CNRIP1: variants seen among roughly 807,000 people sequenced by gnomAD.
The protein encoded by CNRIP1 is cannabinoid receptor interacting protein 1.
CNRIP1 carries 10 observed loss-of-function variants against 15.2 expected under a neutral mutation model. The observed-to-expected ratio is 0.66, with a 90% CI of 0.41 to 1.12. The LOEUF (loss-of-function observed/expected upper bound fraction) is 1.12. Ranked by LOEUF, CNRIP1 falls within the 50% of genes most tolerant of loss-of-function variation. The pLI is 0.00. For synonymous variants in CNRIP1, 91 were observed against 83.2 expected (o/e 1.09, Z -0.51); for missense variants, 211 against 214.7 (o/e 0.98, Z 0.11).
chr2:68,306,361 C>CTCT (rs1398712029), intron 2 of CNRIP1, among the ~76,000 whole-genome samples: 2 of 150,962 alleles, frequency 1.3e-5, no homozygotes, highest in Admixed American at 1.3e-4. Context: ...TACCAGGATA[C>CTCT]TGTTTACCTC....
Position 68,293,386 on chromosome 2 carries a change from GC to G in CNRIP1, c.*475del. 2.0e-6 allele frequency: 2 copies of G among 986,476 alleles called. No homozygotes were observed. The highest frequency in any genetic ancestry group is 2.4e-6 in the Non-Finnish European group (2 of 830,582). The allele number at this position is 986,476 out of a possible 1,614,324, so 61.1% of individuals were successfully genotyped here. On this transcript the variant is annotated 3_prime_UTR_variant, in exon 3 of 3. Coordinates refer to ENST00000263655, the MANE Select transcript of CNRIP1 (RefSeq NM_015463.3). The stretch of plus-strand genomic sequence containing the variant: ...GCTGTTTGTATTACATTTTCACAAA[GC>G]CTGCTTTGAAAGCTGGCAAACACTG...
chr2:68,317,783 T>C (rs1002288006), intron 1 of CNRIP1, among the ~76,000 whole-genome samples: 3 of 152,116 alleles, frequency 2.0e-5, no homozygotes, highest in East Asian at 3.8e-4. Context: ...CTGCAGACCT[T>C]AGAAAACAAA....
At chr2:68,296,564 A>ATGTG (rs140524601) in intron 2 of CNRIP1, among the ~76,000 whole-genome samples, 58,203 of 150,998 alleles carry the variant, frequency 0.39, 11,582 homozygotes, top group East Asian at 0.7. Flanking sequence ...ATATATGTGT[A>ATGTG]TGTGTGTGTG....
intron 2 of CNRIP1, among the ~76,000 whole-genome samples, chr2:68,301,962 C>T (rs1056435273): frequency 1.4e-5 from 2 of 147,944 alleles, no homozygotes; most frequent in African/African-American, 5.0e-5. Context: ...GTGAATTTAG[C>T]AAGGCTTCAG....
chr2:68,314,538 GA>G (rs201776423), intron 2 of CNRIP1, among the ~76,000 whole-genome samples: 1 of 149,584 alleles, frequency 6.7e-6, no homozygotes, highest in Non-Finnish European at 1.5e-5. Context: ...ATATGACCAG[GA>G]AAAAAAAAGA....
chr2:68,315,169 ATACACT>A, intron 2 of CNRIP1, among the ~76,000 whole-genome samples: 1 of 152,198 alleles, frequency 6.6e-6, no homozygotes, highest in Non-Finnish European at 1.5e-5. Flanking sequence ...AATCAATAAG[ATACACT>A]TAAGCAGAAA....
chr2:68,301,162 T>C (rs1291561509), intron 2 of CNRIP1, among the ~76,000 whole-genome samples: 1 of 152,228 alleles, frequency 6.6e-6, no homozygotes, highest in African/African-American at 2.4e-5. Flanking sequence ...GCTTGAAGTA[T>C]TGGTAAATCA....
exon 3 of CNRIP1, chr2:68,284,252 A>C: frequency 2.2e-6 from 1 of 444,980 alleles, no homozygotes; most frequent in South Asian, 4.0e-5. Flanking sequence ...ACTCTCAGAG[A>C]GTTTGCTCAA....
At chr2:68,287,418 G>A (rs1671057729) in intron 2 of CNRIP1, among the ~76,000 whole-genome samples, 1 of 152,232 alleles carries the variant, frequency 6.6e-6, no homozygotes, top group South Asian at 2.1e-4. Context: ...TGTTAACTGT[G>A]AAATTCAGGT....
chr2:68,304,618 C>G (rs1169208330), intron 2 of CNRIP1, among the ~76,000 whole-genome samples: 1 of 107,360 alleles, frequency 9.3e-6, no homozygotes, highest in African/African-American at 4.2e-5. Flanking sequence ...CACTGGTCAT[C>G]TGGTTGTCTT....
At chr2:68,303,668 A>T (rs958255031) in intron 2 of CNRIP1, among the ~76,000 whole-genome samples, 2 of 152,402 alleles carry the variant, frequency 1.3e-5, no homozygotes, top group Middle Eastern at 3.4e-3. Flanking sequence ...CTTTTTGAAT[A>T]GCTGAAGCAC....
chr2:68,318,837 G>C (rs1055561398), intron 1 of CNRIP1, among the ~76,000 whole-genome samples: 9 of 152,226 alleles, frequency 5.9e-5, no homozygotes, highest in Non-Finnish European at 1.3e-4. Context: ...GCGCAGGAGG[G>C]CTGGGATTGC....
chr2:68,305,991 A>G (rs1671827113), intron 2 of CNRIP1, among the ~76,000 whole-genome samples: 1 of 151,244 alleles, frequency 6.6e-6, no homozygotes, highest in South Asian at 2.1e-4. Context: ...TTTGCTGGGT[A>G]TGGTGGTGCG....
chr2:68,309,056 C>T (rs1427396319), intron 2 of CNRIP1, among the ~76,000 whole-genome samples: 1 of 152,116 alleles, frequency 6.6e-6, no homozygotes, highest in East Asian at 1.9e-4. Context: ...GAAAACACTC[C>T]ACATGAAACA....
At chr2:68,317,438 T>A (rs542936030) in intron 1 of CNRIP1, 131 bp from the exon 2 acceptor site, 6 of 910,102 alleles carry the variant, frequency 6.6e-6, no homozygotes, top group Non-Finnish European at 8.3e-6. Context: ...GGGAGAAAGT[T>A]CTGCAAGTTC....
chr2:68,305,727 C>T (rs995533050), intron 2 of CNRIP1, among the ~76,000 whole-genome samples: 51 of 146,422 alleles, frequency 3.5e-4, no homozygotes, highest in African/African-American at 1.1e-3. Context: ...ACCCGGGAGG[C>T]GGAGCTTGCA....
At chr2:68,291,739 C>T (rs995836388), downstream of CNRIP1, among the ~76,000 whole-genome samples, 8 of 151,908 alleles carry the variant, frequency 5.3e-5, no homozygotes, top group African/African-American at 1.2e-4. Context: ...ATTAGCTGAG[C>T]GTGGTAGCAC....
At chr2:68,304,983 G>T (rs956627725) in intron 2 of CNRIP1, among the ~76,000 whole-genome samples, 2 of 151,978 alleles carry the variant, frequency 1.3e-5, no homozygotes, top group Non-Finnish European at 2.9e-5. Context: ...AGCAGCTCAC[G>T]CCTATAATCC....
intron 2 of CNRIP1, among the ~76,000 whole-genome samples, chr2:68,287,954 T>G (rs1026718485): frequency 6.6e-6 from 1 of 152,164 alleles, no homozygotes; most frequent in African/African-American, 2.4e-5. Context: ...TCAGAAACTT[T>G]TTTCTTTCTC....
Sources: gnomAD v4.1 joint callset for allele counts (sites outside exome capture counted in the v4.1 genomes callset) on GRCh38, gnomAD v4.1.1 for gene constraint, MANE v1.5 for transcripts, NCBI Gene and HGNC (gene_info 2026-07-23, HGNC 2026-07-21) for gene names.